The following B4GALNT3 variants were observed in gnomAD, a reference collection of about 807,000 sequenced individuals.
B4GALNT3 encodes beta-1,4-N-acetyl-galactosaminyltransferase 3.
Under a neutral mutation model 120.2 loss-of-function variants are expected in B4GALNT3, and 86 were observed. That is an observed-to-expected ratio of 0.72 (90% CI 0.60 to 0.86). B4GALNT3 has a LOEUF of 0.86. Ranked by LOEUF, B4GALNT3 falls within the 40% of genes least tolerant of loss-of-function variation. B4GALNT3 has a pLI of 0.00. For synonymous variants in B4GALNT3, 518 were observed against 510.4 expected (o/e 1.01, Z -0.20); for missense variants, 1,167 against 1,298.9 (o/e 0.90, Z 1.56).
rs550768904 is a variant in B4GALNT3 at position 463,135 on chromosome 12, C to T, written c.169+2590C>T. 4.6e-5 allele frequency among the ~76,000 whole-genome samples: 7 copies of T among 152,340 alleles called. No individual in the cohort carries two copies. In the East Asian group the frequency reaches 1.3e-3, roughly 29 times the overall value. On this transcript the variant is annotated intron_variant, in intron 1 of 19. Transcript: ENST00000266383. ...CCTGCCAACTCACTCCACCACCCAC[C>T]AGCTCCCTGTCATCTGGAAGGCCAG...
intron 1 of B4GALNT3, among the ~76,000 whole-genome samples, chr12:493,886 G>T (rs1565593014): frequency 6.6e-6 from 1 of 152,192 alleles, no homozygotes; most frequent in South Asian, 2.1e-4. Context: ...GTCCGTGTTG[G>T]AAAGGCAGTC....
chr12:527,923 G>T (rs1041874837), intron 1 of B4GALNT3, among the ~76,000 whole-genome samples: 3 of 146,864 alleles, frequency 2.0e-5, no homozygotes, highest in African/African-American at 8.0e-5. Flanking sequence ...TGGTCTGGGG[G>T]TGTGTGTGTG....
intron 1 of B4GALNT3, among the ~76,000 whole-genome samples, chr12:530,566 G>A (rs1946796609): frequency 6.6e-6 from 1 of 152,142 alleles, no homozygotes; most frequent in South Asian, 2.1e-4. Context: ...ATGTGTTAAG[G>A]GCTTATTATG....
intron 11 of B4GALNT3, 131 bp downstream of exon 11, chr12:551,162 C>T (rs1291302990): frequency 2.6e-6 from 2 of 783,146 alleles, no homozygotes; most frequent in Non-Finnish European, 4.2e-6. Flanking sequence ...GACGTCCTCA[C>T]AGGTCCCTGG....
At chr12:554,533 G>A (rs1025024297) in intron 14 of B4GALNT3, among the ~76,000 whole-genome samples, 3 of 151,600 alleles carry the variant, frequency 2.0e-5, no homozygotes, top group Admixed American at 2.0e-4. Context: ...GCTCACGCCT[G>A]TAATCCCAGC....
At chr12:503,585 G>A (rs1280829872) in intron 1 of B4GALNT3, among the ~76,000 whole-genome samples, 2 of 152,148 alleles carry the variant, frequency 1.3e-5, no homozygotes, top group African/African-American at 2.4e-5. Context: ...GTTGCTTGTT[G>A]GATGAAAGAT....
In B4GALNT3 at chr12:460,596, G is replaced by A; in HGVS notation, c.169+51G>A. 1.5e-6 allele frequency: 2 copies of A among 1,308,532 alleles called. No homozygotes were observed. Among genetic ancestry groups the A allele is most frequent in the Non-Finnish European group, 2.0e-6 (2 of 1,017,488 alleles). The allele number at this position is 1,308,532 out of a possible 1,614,324, so 81.1% of individuals were successfully genotyped here. A position where few individuals can be genotyped will look rare whatever the true frequency, so the allele number is the denominator to read the frequency against. ...GGGCGCGGGGGTGGGCGGCGGCGGC[G>A]GCTCCTGCGTTGGGGGGACCCGCCT... On this transcript the variant is annotated intron_variant, in intron 1 of 19. Transcript: ENST00000266383. The surrounding 1 kb of genome is among the most constrained non-coding windows in gnomAD (Gnocchi z 8.0).
chr12:494,134 G>A (rs565041248), intron 1 of B4GALNT3, among the ~76,000 whole-genome samples: 1 of 152,138 alleles, frequency 6.6e-6, no homozygotes, highest in East Asian at 1.9e-4. Flanking sequence ...GCTGGGTGTG[G>A]TGGTGTGCGC....
At chr12:484,085 T>G (rs996314295) in intron 1 of B4GALNT3, among the ~76,000 whole-genome samples, 2 of 152,204 alleles carry the variant, frequency 1.3e-5, no homozygotes, top group Non-Finnish European at 2.9e-5. Context: ...AAGCTGACAT[T>G]TATGAGGAAC....
At chr12:536,900 G>T (rs1056727547) in intron 3 of B4GALNT3, among the ~76,000 whole-genome samples, 1 of 152,156 alleles carries the variant, frequency 6.6e-6, no homozygotes, top group Non-Finnish European at 1.5e-5. Flanking sequence ...ATCCCAAACT[G>T]TCTTTCTTGG....
In B4GALNT3 at chr12:543,953, C is replaced by T. The variant is rs192029439; in HGVS notation, c.352-386C>T. ...TCCTCCTGGAGCTGAGGATCTGGGGCGGGTGTGGGATGCTCATCCTCCTGG... is the reference window on the plus strand; with the variant it reads ...TCCTCCTGGAGCTGAGGATCTGGGGTGGGTGTGGGATGCTCATCCTCCTGG... On this transcript the variant is annotated intron_variant, in intron 3 of 19. Transcript: ENST00000266383. Among the ~76,000 whole-genome samples the T allele has an allele frequency of 5.0e-3, 596 of 119,528 alleles. 3 individuals are homozygous for T. Among genetic ancestry groups the T allele is most frequent in the Middle Eastern group, 0.021 (4 of 188 alleles). The allele number at this position is 119,528 out of a possible 152,430, so 78.4% of individuals were successfully genotyped here.
chr12:523,743 A>C (rs953624581), intron 1 of B4GALNT3, among the ~76,000 whole-genome samples: 1 of 152,216 alleles, frequency 6.6e-6, no homozygotes, highest in Admixed American at 6.5e-5. Flanking sequence ...GAATAAACTA[A>C]GAATGTGAAT....
rs748074776 is a variant in B4GALNT3 at position 553,882 on chromosome 12, C to T, written c.1959C>T (p.Ile653=). ...LDFQALRTDW[I]DLSCNTSGNL... ...TCCAAGCCCTGAGGACTGACTGGAT[C>T]GATCTGAGCTGTAACACATCTGGCA... The change falls in exon 14 of 20, where the codon ATC becomes ATT. Residue 653 remains isoleucine (I), a synonymous_variant. Coordinates refer to ENST00000266383, the MANE Select transcript of B4GALNT3 (RefSeq NM_173593.4). The T allele has an allele frequency of 5.8e-5, 94 of 1,614,022 alleles. 2 individuals are homozygous for T. Among genetic ancestry groups the T allele is most frequent in the South Asian group, 2.4e-4 (22 of 91,082 alleles).
intron 1 of B4GALNT3, among the ~76,000 whole-genome samples, chr12:518,554 C>T (rs780226769): frequency 2.6e-5 from 4 of 152,014 alleles, no homozygotes; most frequent in African/African-American, 4.8e-5. Context: ...AGGCGTGTGC[C>T]ACCATGCCCG....
chr12:490,493 T>C (rs1489184849), intron 1 of B4GALNT3, among the ~76,000 whole-genome samples: 1 of 152,160 alleles, frequency 6.6e-6, no homozygotes, highest in Non-Finnish European at 1.5e-5. Context: ...TCCTAGCACT[T>C]TGGGAGGCAG....
At chr12:466,463 G>A (rs1320888532) in intron 1 of B4GALNT3, among the ~76,000 whole-genome samples, 1 of 152,206 alleles carries the variant, frequency 6.6e-6, no homozygotes, top group African/African-American at 2.4e-5. Context: ...TAAAGATTAT[G>A]TGGTCTCAAC....
chr12:474,558 G>A (rs1341696722), intron 1 of B4GALNT3, among the ~76,000 whole-genome samples: 2 of 152,126 alleles, frequency 1.3e-5, no homozygotes, highest in Non-Finnish European at 2.9e-5. Flanking sequence ...GGTGGCTCAT[G>A]CCTGCAATCC....
chr12:514,752 G>A (rs115877321), intron 1 of B4GALNT3, among the ~76,000 whole-genome samples: 32 of 152,134 alleles, frequency 2.1e-4, no homozygotes, highest in African/African-American at 7.7e-4. Context: ...TTCTGGGCTG[G>A]GCGTGGTGGC....
intron 1 of B4GALNT3, among the ~76,000 whole-genome samples, chr12:463,397 C>T (rs1048838405): frequency 1.3e-5 from 2 of 152,166 alleles, no homozygotes; most frequent in African/African-American, 4.8e-5. Flanking sequence ...AGAAAAACAA[C>T]CAAAATCCTT....
Sources: gnomAD v4.1 joint callset for allele counts (sites outside exome capture counted in the v4.1 genomes callset) on GRCh38, gnomAD v4.1.1 for gene constraint, Gnocchi (gnomAD v3.1) non-coding constraint, MANE v1.5 for transcripts, NCBI Gene and HGNC (gene_info 2026-07-23, HGNC 2026-07-21) for gene names.